STAM: variants seen among roughly 807,000 people sequenced by gnomAD.
STAM encodes the protein signal transducing adaptor molecule.
STAM carries 16 observed loss-of-function variants against 63.4 expected under a neutral mutation model. That is an observed-to-expected ratio of 0.25 (90% CI 0.17 to 0.38). The LOEUF is 0.38. Among genes scored for constraint, STAM ranks in the 10% least tolerant of loss-of-function variants. The probability of loss-of-function intolerance (pLI) is 1.00; values close to 1 mark genes in which losing one functional copy is unlikely to be tolerated. For synonymous variants in STAM, 238 were observed against 223.9 expected, an observed-to-expected ratio of 1.06 and a Z score of -0.56; for missense variants, 636 against 657.1, an observed-to-expected ratio of 0.97 and a Z score of 0.35.
At position 17,653,345 on chromosome 10, in the gene STAM, A is replaced by G. The variant is rs782016467; in HGVS notation, c.41-7119A>G. Among the ~76,000 whole-genome samples the G allele has an allele frequency of 3.3e-5, 5 of 152,370 alleles. No individual in the cohort carries two copies. In the South Asian group the frequency reaches 6.2e-4, roughly 19 times the overall value. On this transcript the variant is annotated intron_variant, in intron 1 of 13. Coordinates refer to ENST00000377524, the MANE Select transcript of STAM (RefSeq NM_003473.4). ...GCTTTGTGATGTGTGGATTCATCTC[A>G]CAGAGTTAAATGTTTGTTTTGGTAA...
intron 9 of STAM, among the ~76,000 whole-genome samples, chr10:17,702,775 C>T (rs1476897352): frequency 2.0e-5 from 3 of 151,974 alleles, no homozygotes; most frequent in South Asian, 4.1e-4. Flanking sequence ...TTCGGGAGGC[C>T]GAGGCGGGCA....
rs1389135762 is a variant in STAM at position 17,644,301 on chromosome 10, G to A, written c.-39G>A. On this transcript the variant is annotated 5_prime_UTR_variant, in exon 1 of 14. Coordinates refer to ENST00000377524, the MANE Select transcript of STAM (RefSeq NM_003473.4). ...GTCGAGCTCTGACTCCCGTGCTGTC[G>A]AGAGGGAGTCCCCGGGGACACCTCG... 2 of 1,613,480 alleles carry A rather than the reference G, an allele frequency of 1.2e-6. No homozygotes were observed. The highest frequency in any genetic ancestry group is 1.1e-5 in the South Asian group (1 of 91,036).
intron 7 of STAM, 79 bp downstream of exon 7, chr10:17,695,320 G>C: frequency 1.5e-6 from 2 of 1,310,280 alleles, no homozygotes; most frequent in South Asian, 2.8e-5. Flanking sequence ...GTTGATTGCA[G>C]TTACCAAATA....
At chr10:17,704,578 C>T in intron 10 of STAM, 60 bp downstream of exon 10, 1 of 1,376,734 alleles carries the variant, frequency 7.3e-7, no homozygotes, top group East Asian at 2.3e-5. Flanking sequence ...AACTGGTGTC[C>T]TGTTAAAGAA....
intron 2 of STAM, among the ~76,000 whole-genome samples, chr10:17,675,246 G>A (rs1267328976): frequency 3.3e-5 from 5 of 152,212 alleles, no homozygotes; most frequent in Admixed American, 3.3e-4. Context: ...GCTTACGCCT[G>A]TAATTCCAGC....
chr10:17,668,308 T>C (rs1834482089), intron 2 of STAM, among the ~76,000 whole-genome samples: 1 of 152,184 alleles, frequency 6.6e-6, no homozygotes, highest in Non-Finnish European at 1.5e-5. Flanking sequence ...GGGAAATGAA[T>C]GCACATTGCT....
At chr10:17,666,962 A>T (rs1554823470) in intron 2 of STAM, among the ~76,000 whole-genome samples, 3 of 152,098 alleles carry the variant, frequency 2.0e-5, no homozygotes, top group Non-Finnish European at 4.4e-5. Flanking sequence ...TTGACTACTT[A>T]TTGTTTGCTA....
chr10:17,714,967 C>CCA lies in STAM; in HGVS notation c.*187_*188insCA. The CCA allele has an allele frequency of 3.4e-6, 2 of 596,430 alleles. No individual in the cohort carries two copies. Among genetic ancestry groups the CCA allele is most frequent in the Middle Eastern group, 4.5e-4 (1 of 2,198 alleles). The allele number at this position is 596,430 out of a possible 1,614,324, so 36.9% of individuals were successfully genotyped here. On this transcript the variant is annotated 3_prime_UTR_variant, in exon 14 of 14. Coordinates refer to ENST00000377524, the MANE Select transcript of STAM (RefSeq NM_003473.4). ...GACTTTTTAGAGGTTCTTCCCCCCC[C>CCA]GCCCCTGCAGAGGAATGAAACTACT...
At chr10:17,655,473 T>A (rs1833900834) in intron 1 of STAM, among the ~76,000 whole-genome samples, 1 of 152,200 alleles carries the variant, frequency 6.6e-6, no homozygotes, top group South Asian at 2.1e-4. Context: ...TACTAGATGC[T>A]TATTTTAGTT....
At chr10:17,658,946 A>G (rs1028987754) in intron 1 of STAM, among the ~76,000 whole-genome samples, 1 of 152,050 alleles carries the variant, frequency 6.6e-6, no homozygotes, top group Non-Finnish European at 1.5e-5. Context: ...CTGTTAATAT[A>G]CTTGTGTTAA....
At chr10:17,657,239 C>T (rs188429473) in intron 1 of STAM, among the ~76,000 whole-genome samples, 1 of 152,226 alleles carries the variant, frequency 6.6e-6, no homozygotes, top group East Asian at 1.9e-4. Flanking sequence ...TTAGGAGCTT[C>T]TCTCTCCTTG....
chr10:17,714,405 C>A, intron 13 of STAM, 138 bp from the exon 14 acceptor site: 2 of 785,502 alleles, frequency 2.5e-6, no homozygotes, highest in Non-Finnish European at 4.2e-6. Flanking sequence ...CAATGTTTGG[C>A]ACATTATAGC....
In STAM at chr10:17,660,548, G is replaced by A; in HGVS notation, c.125G>A (p.Gly42Glu). The change falls in exon 2 of 14, where the codon GGA (glycine) becomes GAA (glutamate). Residue 42 changes from glycine (G) to glutamate (E), a missense_variant and splice_region_variant. Physicochemically the swap from Gly to Glu is moderately conservative, Grantham distance 98. Around this residue, in one of 3 missense-constraint regions of STAM, gnomAD observed 87 missense variants for 80.3 expected, o/e 1.08. Coordinates refer to ENST00000377524, the MANE Select transcript of STAM (RefSeq NM_003473.4). ...GATAAAGTTGGTCAGTCTCGCACTG[G>A]GTAAGTATTTAGCGTTTCAAAGGAT... ...ICDKVGQSRT[G>E]PKDCLRSIMR... 1 of 1,589,210 alleles carries A rather than the reference G, an allele frequency of 6.3e-7. No individual in the cohort carries two copies. The highest frequency in any genetic ancestry group is 8.6e-7 in the Non-Finnish European group (1 of 1,167,292).
At chr10:17,662,038 C>T (rs1195497271) in intron 2 of STAM, among the ~76,000 whole-genome samples, 3 of 152,238 alleles carry the variant, frequency 2.0e-5, no homozygotes, top group Non-Finnish European at 4.4e-5. Flanking sequence ...TTACTTTGGA[C>T]GTTCCTTACC....
chr10:17,651,539 C>T (rs1833742332), intron 1 of STAM, among the ~76,000 whole-genome samples: 2 of 152,244 alleles, frequency 1.3e-5, no homozygotes, highest in Non-Finnish European at 1.5e-5. Flanking sequence ...TTCTTTGATT[C>T]TTCTGTCCCT....
intron 4 of STAM, among the ~76,000 whole-genome samples, chr10:17,687,211 A>T (rs1441230936): frequency 2.6e-5 from 4 of 152,208 alleles, no homozygotes; most frequent in African/African-American, 9.6e-5. Context: ...ACGGTGGCTC[A>T]TGCCTGTAAT....
intron 2 of STAM, among the ~76,000 whole-genome samples, chr10:17,669,936 T>TAGCCAGGATG (rs1554823893): frequency 6.7e-6 from 1 of 149,986 alleles, no homozygotes; most frequent in Non-Finnish European, 1.5e-5. Flanking sequence ...TTCACCATGT[T>TAGCCAGGATG]AGCCAGGATG....
intron 6 of STAM, 116 bp downstream of exon 6, chr10:17,693,428 CCCT>C: frequency 1.3e-6 from 1 of 760,586 alleles, no homozygotes; most frequent in Non-Finnish European, 2.0e-6. Flanking sequence ...TGCTTTGTTG[CCCT>C]CCTCAGTATT....
Position 17,714,882 on chromosome 10 carries a change from A to C in STAM, c.*102A>C. 1 of 1,143,460 alleles carries C rather than the reference A, an allele frequency of 8.7e-7. No homozygotes were observed. Among genetic ancestry groups the C allele is most frequent in the Non-Finnish European group, 1.3e-6 (1 of 769,094 alleles). The allele number at this position is 1,143,460 out of a possible 1,614,324, so 70.8% of individuals were successfully genotyped here. ...ATGTGTTTATCCTCAGCTTATAGGA[A>C]TCTCTCCAGGTCAACAGGTTCAAAT... On this transcript the variant is annotated 3_prime_UTR_variant, in exon 14 of 14. Transcript: ENST00000377524.
Sources: gnomAD v4.1 joint callset for allele counts (sites outside exome capture counted in the v4.1 genomes callset) on GRCh38, gnomAD v4.1.1 for gene constraint, gnomAD v4.1.1 regional missense constraint, MANE v1.5 for transcripts, NCBI Gene and HGNC (gene_info 2026-07-23, HGNC 2026-07-21) for gene names.